Variants in ZHX2 observed in about 807,000 individuals in gnomAD.
The protein encoded by ZHX2 is zinc fingers and homeoboxes 2, also known as zinc fingers and homeoboxes protein 2.
A neutral mutation model predicts 21.9 loss-of-function variants in ZHX2; 6 were observed. The ratio of observed to expected loss-of-function variants is 0.27; its 90% confidence interval spans 0.15 to 0.54. The LOEUF (loss-of-function observed/expected upper bound fraction) is 0.54. Among genes scored for constraint, ZHX2 ranks in the 20% least tolerant of loss-of-function variants. The pLI is 0.95. For missense variants in ZHX2, 908 were observed against 1,090.7 expected (o/e 0.83, Z 2.36); for synonymous variants, 434 against 437.1 (o/e 0.99, Z 0.09).
chr8:122,923,612 G>T (rs920998808), intron 2 of ZHX2, among the ~76,000 whole-genome samples: 1 of 152,144 alleles, frequency 6.6e-6, no homozygotes. Context: ...CCTTTAATCT[G>T]CCACAGTGTC....
At chr8:122,840,801 A>G (rs993417257) in intron 1 of ZHX2, among the ~76,000 whole-genome samples, 1 of 152,206 alleles carries the variant, frequency 6.6e-6, no homozygotes, top group Admixed American at 6.5e-5. Context: ...TTAGAGAACA[A>G]TTAAACCTCT....
At chr8:122,838,836 G>C (rs547101042) in intron 1 of ZHX2, among the ~76,000 whole-genome samples, 86 of 152,114 alleles carry the variant, frequency 5.7e-4, no homozygotes, top group African/African-American at 2.0e-3. Context: ...TGCCCTCCCA[G>C]AGTGCTGGAA....
chr8:122,827,745 G>A (rs1344111384), intron 1 of ZHX2, among the ~76,000 whole-genome samples: 2 of 152,192 alleles, frequency 1.3e-5, no homozygotes, highest in Non-Finnish European at 2.9e-5. Context: ...ATTTAGGTTG[G>A]TGCAAAAGTA....
chr8:122,813,152 C>T lies in ZHX2; in HGVS notation c.-283+31206C>T, dbSNP rs539795836. Reference sequence around the variant, plus strand: ...CGGAGGTTGTGGTGAGCCAAGATCACGCCACTGTACTCCAGCCTGGGCAAC... The same window carrying T: ...CGGAGGTTGTGGTGAGCCAAGATCATGCCACTGTACTCCAGCCTGGGCAAC... On this transcript the variant is annotated intron_variant, in intron 1 of 3. Transcript: ENST00000314393. Among the ~76,000 whole-genome samples, 15 of 149,976 alleles carry T rather than the reference C, an allele frequency of 1.0e-4. No homozygotes were observed. The East Asian group carries it at 1.8e-3, about 18-fold the overall frequency.
chr8:122,961,842 C>A lies in ZHX2; in HGVS notation c.*4+7814C>A, dbSNP rs184031986. ...GGGGACACAAAGCCTAACAATATCA[C>A]CCCTAGAGCAGGGTTCTAGCATTAG... On this transcript the variant is annotated intron_variant, in intron 3 of 3. Coordinates refer to ENST00000314393, the MANE Select transcript of ZHX2 (RefSeq NM_014943.5). Among the ~76,000 whole-genome samples the A allele has an allele frequency of 3.4e-3, 518 of 152,268 alleles. 23 individuals carry two copies. Among genetic ancestry groups the A allele is most frequent in the Admixed American group, 0.034 (515 of 15,294 alleles).
chr8:122,968,567 G>T (rs143554346), intron 3 of ZHX2, among the ~76,000 whole-genome samples: 3 of 152,124 alleles, frequency 2.0e-5, no homozygotes, highest in Admixed American at 2.0e-4. Flanking sequence ...GGCCAGGCAC[G>T]GTGGCTCATG....
At chr8:122,846,282 G>A (rs1423561847) in intron 1 of ZHX2, among the ~76,000 whole-genome samples, 2 of 152,168 alleles carry the variant, frequency 1.3e-5, no homozygotes, top group Non-Finnish European at 2.9e-5. Flanking sequence ...ACCTAGGCAC[G>A]CACTTTTGCA....
At position 122,860,615 on chromosome 8, in the gene ZHX2, A is replaced by C. The variant is rs1002748264; in HGVS notation, c.-282-2862A>C. The stretch of plus-strand genomic sequence containing the variant: ...GAGTAACCATAGGGCTATATTTTAC[A>C]AACCAAAAGGGGAACTTGAAGGCAA... On this transcript the variant is annotated intron_variant, in intron 1 of 3. Coordinates refer to ENST00000314393, the MANE Select transcript of ZHX2 (RefSeq NM_014943.5). Among the ~76,000 whole-genome samples, 9 of 152,236 alleles carry C rather than the reference A, an allele frequency of 5.9e-5. No individual in the cohort carries two copies. The South Asian group carries it at 8.3e-4, about 14-fold the overall frequency.
At chr8:122,830,392 G>A (rs1818349483) in intron 1 of ZHX2, among the ~76,000 whole-genome samples, 1 of 152,182 alleles carries the variant, frequency 6.6e-6, no homozygotes, top group Non-Finnish European at 1.5e-5. Context: ...TGAGAAGGGA[G>A]GAGTTATTCA....
intron 3 of ZHX2, among the ~76,000 whole-genome samples, chr8:122,970,505 C>A (rs1331948978): frequency 6.6e-6 from 1 of 152,190 alleles, no homozygotes; most frequent in Non-Finnish European, 1.5e-5. Flanking sequence ...TAACCAACCT[C>A]AGCACGTAGC....
At chr8:122,878,826 G>C (rs1394713380) in intron 2 of ZHX2, among the ~76,000 whole-genome samples, 1 of 152,142 alleles carries the variant, frequency 6.6e-6, no homozygotes, top group Non-Finnish European at 1.5e-5. Flanking sequence ...TCAAAGATGT[G>C]CTTGAGATAT....
intron 2 of ZHX2, among the ~76,000 whole-genome samples, chr8:122,882,808 C>G (rs1819745143): frequency 6.6e-6 from 1 of 152,052 alleles, no homozygotes; most frequent in Admixed American, 6.5e-5. Flanking sequence ...ATGATGAAAC[C>G]CCATCTCTAC....
chr8:122,897,210 G>A (rs755463504), intron 2 of ZHX2, among the ~76,000 whole-genome samples: 12 of 152,130 alleles, frequency 7.9e-5, no homozygotes, highest in South Asian at 2.1e-4. Flanking sequence ...TTAAAATTCC[G>A]GTGTCTCACA....
chr8:122,852,894 T>C (rs1818935924), intron 1 of ZHX2, among the ~76,000 whole-genome samples: 1 of 152,182 alleles, frequency 6.6e-6, no homozygotes, highest in Admixed American at 6.5e-5. Context: ...TCATTCACTC[T>C]GTGTGGGCAA....
intron 1 of ZHX2, among the ~76,000 whole-genome samples, chr8:122,830,277 T>G (rs1301845670): frequency 6.6e-6 from 1 of 152,236 alleles, no homozygotes; most frequent in Non-Finnish European, 1.5e-5. Flanking sequence ...GGCCTGTTTC[T>G]TGATCTTCAG....
intron 2 of ZHX2, among the ~76,000 whole-genome samples, chr8:122,938,400 C>T (rs540088531): frequency 1.3e-4 from 20 of 152,176 alleles, no homozygotes; most frequent in African/African-American, 4.3e-4. Context: ...AGGGCCAGGG[C>T]TAGGAATGTT....
chr8:122,877,661 G>A (rs1662217406), intron 2 of ZHX2, among the ~76,000 whole-genome samples: 2 of 152,154 alleles, frequency 1.3e-5, no homozygotes, highest in African/African-American at 2.4e-5. Context: ...CCAGGAACAC[G>A]GGAACCTCGC....
chr8:122,866,837 A>G (rs1357374815), intron 2 of ZHX2, among the ~76,000 whole-genome samples: 2 of 151,794 alleles, frequency 1.3e-5, no homozygotes, highest in African/African-American at 4.8e-5. Context: ...TTTATTTTTT[A>G]TTTTTGAGAC....
At chr8:122,857,301 GA>G (rs1227909762) in intron 1 of ZHX2, among the ~76,000 whole-genome samples, 11 of 150,512 alleles carry the variant, frequency 7.3e-5, no homozygotes, top group African/African-American at 2.7e-4. Flanking sequence ...TTGAAAGAAT[GA>G]AGAGACATCA....
Sources: allele counts gnomAD v4.1 joint callset (sites outside exome capture counted in the v4.1 genomes callset), GRCh38; gene constraint gnomAD v4.1.1; transcripts MANE v1.5; gene names NCBI Gene and HGNC (gene_info 2026-07-23, HGNC 2026-07-21).